Variants in MAGI2 observed in about 807,000 individuals in gnomAD.
MAGI2 encodes the protein membrane associated guanylate kinase, WW and PDZ domain containing 2.
MAGI2 carries 35 observed loss-of-function variants against 133.3 expected under a neutral mutation model. The observed-to-expected ratio is 0.26, with a 90% CI of 0.20 to 0.35. The LOEUF is 0.35. Ranked by LOEUF, MAGI2 falls within the 10% of genes least tolerant of loss-of-function variation. The pLI is 1.00. For missense variants in MAGI2, 1,636 were observed against 1,863.4 expected, an observed-to-expected ratio of 0.88 and a Z score of 2.25; for synonymous variants, 729 against 710.6, an observed-to-expected ratio of 1.03 and a Z score of -0.41.
intron 6 of MAGI2, among the ~76,000 whole-genome samples, chr7:78,436,127 T>C (rs1221834417): frequency 1.3e-5 from 2 of 152,204 alleles, no homozygotes; most frequent in Non-Finnish European, 2.9e-5. Context: ...ATAATCATGT[T>C]TATGTTTATA....
intron 1 of MAGI2, among the ~76,000 whole-genome samples, chr7:79,013,384 G>T (rs1414485454): frequency 6.6e-6 from 1 of 152,096 alleles, no homozygotes; most frequent in African/African-American, 2.4e-5. Context: ...CAGTCTGTGA[G>T]GAATTAGAAG....
intron 1 of MAGI2, among the ~76,000 whole-genome samples, chr7:79,158,665 C>T (rs1265514147): frequency 1.3e-5 from 2 of 151,954 alleles, no homozygotes; most frequent in Non-Finnish European, 2.9e-5. Context: ...GGTATAAATA[C>T]CCTAAATTTA....
intron 1 of MAGI2, among the ~76,000 whole-genome samples, chr7:79,041,643 T>A (rs1176327333): frequency 4.0e-5 from 6 of 150,904 alleles, no homozygotes; most frequent in Non-Finnish European, 8.8e-5. Context: ...CATGCCTAGA[T>A]ATAGATATTT....
chr7:79,068,948 G>C (rs1276241248), intron 1 of MAGI2, among the ~76,000 whole-genome samples: 2 of 151,778 alleles, frequency 1.3e-5, no homozygotes, highest in African/African-American at 4.8e-5. Context: ...ACTGTGGTCT[G>C]AGAGACTGTT....
intron 1 of MAGI2, among the ~76,000 whole-genome samples, chr7:79,112,202 T>C (rs1818987638): frequency 6.6e-6 from 1 of 152,052 alleles, no homozygotes; most frequent in African/African-American, 2.4e-5. Context: ...GAAAGACATC[T>C]CTGTAAGCGA....
intron 1 of MAGI2, among the ~76,000 whole-genome samples, chr7:79,015,847 T>C (rs1307842627): frequency 6.6e-6 from 1 of 151,814 alleles, no homozygotes; most frequent in Non-Finnish European, 1.5e-5. Flanking sequence ...GATGGGGACA[T>C]TGGGAAGACT....
At chr7:79,408,268 T>C (rs1585871298) in intron 1 of MAGI2, among the ~76,000 whole-genome samples, 1 of 152,106 alleles carries the variant, frequency 6.6e-6, no homozygotes. Flanking sequence ...AACACTCTAA[T>C]GAGAAATATT....
At chr7:79,090,936 C>A (rs571902219) in intron 1 of MAGI2, among the ~76,000 whole-genome samples, 5 of 152,144 alleles carry the variant, frequency 3.3e-5, no homozygotes, top group Admixed American at 2.0e-4. Flanking sequence ...CAGTGTACAG[C>A]TCAGCACCTA....
intron 6 of MAGI2, among the ~76,000 whole-genome samples, chr7:78,412,310 C>T (rs1183771548): frequency 1.3e-5 from 2 of 151,892 alleles, no homozygotes; most frequent in African/African-American, 2.4e-5. Context: ...AGCCTGTGGT[C>T]AAAGGGGAAG....
At chr7:78,495,765 A>G (rs1268229721) in intron 5 of MAGI2, among the ~76,000 whole-genome samples, 1 of 152,216 alleles carries the variant, frequency 6.6e-6, no homozygotes, top group Admixed American at 6.6e-5. Flanking sequence ...AAATATTTTT[A>G]AAGAAGTTTC....
Position 79,200,991 on chromosome 7 carries a change from G to A in MAGI2, c.302-193785C>T, listed in dbSNP as rs562162431. 6.6e-5 allele frequency among the ~76,000 whole-genome samples: 10 copies of A among 152,078 alleles called. No individual in the cohort carries two copies. In the South Asian group the frequency reaches 1.7e-3, roughly 25 times the overall value. Reference sequence around the variant, plus strand: ...TTTTCTGTAGGGCCTAAAATGTCACGAGTACACACATTTGTTAAGGCCCTC... The same window carrying A: ...TTTTCTGTAGGGCCTAAAATGTCACAAGTACACACATTTGTTAAGGCCCTC... On this transcript the variant is annotated intron_variant, in intron 1 of 21. Coordinates refer to ENST00000354212, the MANE Select transcript of MAGI2 (RefSeq NM_012301.4).
chr7:78,817,346 A>G (rs143804943), intron 2 of MAGI2, among the ~76,000 whole-genome samples: 1 of 152,368 alleles, frequency 6.6e-6, no homozygotes, highest in East Asian at 1.9e-4. Flanking sequence ...CTTAATCGAC[A>G]AAGCAATGGC....
intron 4 of MAGI2, among the ~76,000 whole-genome samples, chr7:78,510,815 C>T (rs1009800153): frequency 2.0e-5 from 3 of 152,176 alleles, no homozygotes; most frequent in African/African-American, 4.8e-5. Flanking sequence ...ACTTTGGCAC[C>T]TTTGAGAGCA....
At chr7:79,136,735 T>G (rs777746938) in intron 1 of MAGI2, among the ~76,000 whole-genome samples, 37 of 152,240 alleles carry the variant, frequency 2.4e-4, no homozygotes, top group Non-Finnish European at 4.3e-4. Context: ...CATTTTACTT[T>G]TTTCACACTA....
intron 3 of MAGI2, among the ~76,000 whole-genome samples, chr7:78,535,847 A>G (rs1306006059): frequency 1.3e-5 from 2 of 150,198 alleles, no homozygotes; most frequent in African/African-American, 4.9e-5. Flanking sequence ...TAGATCGAGA[A>G]CCTGGCTCAT....
intron 3 of MAGI2, among the ~76,000 whole-genome samples, chr7:78,621,014 T>A (rs1190970817): frequency 6.6e-6 from 1 of 151,922 alleles, no homozygotes; most frequent in African/African-American, 2.4e-5. Context: ...CTGTAAGTGG[T>A]GAGTGAAATC....
chr7:79,101,723 C>CAAAAAA (rs376256842), intron 1 of MAGI2, among the ~76,000 whole-genome samples: 14 of 112,710 alleles, frequency 1.2e-4, no homozygotes, highest in African/African-American at 3.4e-4. Flanking sequence ...GACTCTGTCA[C>CAAAAAA]AAAAAAAAAA....
intron 10 of MAGI2, among the ~76,000 whole-genome samples, chr7:78,227,007 A>G (rs1789457083): frequency 6.6e-6 from 1 of 152,224 alleles, no homozygotes; most frequent in Non-Finnish European, 1.5e-5. Context: ...TTTGTGGGAC[A>G]GCATCATTAA....
intron 6 of MAGI2, among the ~76,000 whole-genome samples, chr7:78,472,146 T>C (rs1791272442): frequency 1.3e-5 from 2 of 152,092 alleles, no homozygotes; most frequent in Admixed American, 1.3e-4. Flanking sequence ...CAGATGATCA[T>C]CTCTTATCCT....
Sources: gnomAD v4.1 joint callset for allele counts (sites outside exome capture counted in the v4.1 genomes callset) on GRCh38, gnomAD v4.1.1 for gene constraint, MANE v1.5 for transcripts, NCBI Gene and HGNC (gene_info 2026-07-23, HGNC 2026-07-21) for gene names.